The following CHRNE variants were observed in gnomAD, a reference collection of about 807,000 sequenced individuals.
CHRNE encodes cholinergic receptor nicotinic epsilon subunit, also known as acetylcholine receptor subunit epsilon.
Under a neutral mutation model 56.5 loss-of-function variants are expected in CHRNE, and 58 were observed. The observed-to-expected ratio is 1.03, with a 90% CI of 0.83 to 1.28. The LOEUF (loss-of-function observed/expected upper bound fraction) is 1.28, where lower values mean the gene tolerates loss of function less well. Among genes scored for constraint, CHRNE ranks in the 50% most tolerant of loss-of-function variants. CHRNE has a pLI of 0.00. For missense variants in CHRNE, 793 were observed against 688.9 expected, an observed-to-expected ratio of 1.15 and a Z score of -1.69; for synonymous variants, 385 against 297.9, an observed-to-expected ratio of 1.29 and a Z score of -3.01.
chr17:4,900,654 C>T, intron 8 of CHRNE, 139 bp downstream of exon 8: 1 of 1,443,892 alleles, frequency 6.9e-7, no homozygotes, highest in Non-Finnish European at 9.4e-7. Flanking sequence ...GGGACTCCAT[C>T]CCCGTACCAG....
upstream of CHRNE, among the ~76,000 whole-genome samples, chr17:4,905,462 G>A (rs571030427): frequency 7.9e-5 from 12 of 152,212 alleles, no homozygotes; most frequent in South Asian, 2.1e-4. Context: ...CTACTTAGGA[G>A]GCTGAGGCGG....
chr17:4,904,423 A>G (rs934792306), upstream of CHRNE, among the ~76,000 whole-genome samples: 7 of 152,124 alleles, frequency 4.6e-5, no homozygotes, highest in Non-Finnish European at 1.5e-5. Context: ...CTTATTTTAA[A>G]TTCAGATTCC....
intron 5 of CHRNE, 102 bp downstream of exon 5, chr17:4,901,830 A>T: frequency 1.3e-6 from 2 of 1,528,678 alleles, no homozygotes; most frequent in African/African-American, 1.4e-5. Context: ...CTCCGCCTCC[A>T]GCGCGAAGCC....
intron 6 of CHRNE, 110 bp from the exon 7 acceptor site, chr17:4,901,300 G>A: frequency 8.0e-7 from 1 of 1,250,808 alleles, no homozygotes; most frequent in Non-Finnish European, 1.1e-6. Context: ...TGGGCCGTCA[G>A]GATGGGGGCA....
At chr17:4,900,547 C>T (rs780373222) in intron 8 of CHRNE, 25 of 1,550,310 alleles carry the variant, frequency 1.6e-5, no homozygotes, top group Non-Finnish European at 2.2e-5. Flanking sequence ...CCAGAGGCGG[C>T]GGGGCTAGGG....
upstream of CHRNE, among the ~76,000 whole-genome samples, chr17:4,904,517 G>T (rs999446092): frequency 1.3e-5 from 2 of 152,130 alleles, no homozygotes; most frequent in Non-Finnish European, 2.9e-5. Context: ...GGTGTTCCTC[G>T]TGAGGTAGGA....
At position 4,902,615 on chromosome 17, in the gene CHRNE, G is replaced by C; in HGVS notation, c.189+6C>G. 1 of 1,614,136 alleles carries C rather than the reference G, an allele frequency of 6.2e-7. No homozygotes were observed. The highest frequency in any genetic ancestry group is 1.3e-5 in the African/African-American group (1 of 75,034). On this transcript the variant is annotated splice_donor_region_variant and intron_variant, in intron 2 of 11. Transcript: ENST00000649488. This position sits in a 1 kb window ranked among gnomAD's most constrained non-coding sequence, Gnocchi z 4.0. ...TTGGCTTAAGATGAGGGTGGGGGTA[G>C]CTTACCAGTGAGATGAGATTCGTCA... is the stretch of plus-strand genomic sequence containing the variant.
chr17:4,899,781 T>G (rs1048601616), intron 8 of CHRNE, 199 bp from the exon 9 acceptor site: 1 of 1,550,904 alleles, frequency 6.4e-7, no homozygotes, highest in African/African-American at 1.4e-5. Context: ...GACCCCCAGC[T>G]CCCTGGACAC....
At chr17:4,904,601 C>G (rs1052318580), upstream of CHRNE, among the ~76,000 whole-genome samples, 3 of 152,160 alleles carry the variant, frequency 2.0e-5, no homozygotes, top group Admixed American at 2.0e-4. Flanking sequence ...TGATCACTGT[C>G]CTGAATACAT....
Position 4,902,075 on chromosome 17 carries a change from C to T in CHRNE, c.357G>A (p.Gln119=), listed in dbSNP as rs747638974. Residue 119 remains glutamine, a synonymous_variant, in exon 5 of 12, where the codon CAG becomes CAA. Transcript: ENST00000649488. The surrounding 1 kb of genome is among the most constrained non-coding windows in gnomAD (Gnocchi z 4.0). ...CGTTGGCGTCGTAGGCCACTCCGAA[C>T]TGGCCATCAATACTGTGGGCTCGGG... ...EIVLENNIDG[Q]FGVAYDANVL... 8 of 1,614,074 alleles carry T rather than the reference C, an allele frequency of 5.0e-6. No homozygotes were observed. In the South Asian group the frequency reaches 8.8e-5, roughly 18 times the overall value.
Position 4,902,395 on chromosome 17 carries a change from G to A in CHRNE, c.234+55C>T, listed in dbSNP as rs1003920779. 1.2e-6 allele frequency: 2 copies of A among 1,613,868 alleles called. No homozygotes were observed. Among genetic ancestry groups the A allele is most frequent in the South Asian group, 2.2e-5 (2 of 91,074 alleles). Reference sequence around the variant, plus strand: ...CCTGGCGCTGCCTGGGAGGGGTTTGGGGGAAAAGGGGTGCCCTGGACAAGA... The same window carrying A: ...CCTGGCGCTGCCTGGGAGGGGTTTGAGGGAAAAGGGGTGCCCTGGACAAGA... On this transcript the variant is annotated intron_variant, in intron 3 of 11. Coordinates refer to ENST00000649488, the MANE Select transcript of CHRNE (RefSeq NM_000080.4). This position sits in a 1 kb window ranked among gnomAD's most constrained non-coding sequence, Gnocchi z 4.0.
Position 4,902,630 on chromosome 17 carries a change from G to A in CHRNE, c.180C>T (p.Leu60=), listed in dbSNP as rs1486738510. The A allele has an allele frequency of 1.9e-6, 3 of 1,613,966 alleles. No individual in the cohort carries two copies. Among genetic ancestry groups the A allele is most frequent in the Non-Finnish European group, 1.7e-6 (2 of 1,180,024 alleles). Residue 60 remains leucine, a synonymous_variant, in exon 2 of 12, where the codon CTC becomes CTT. Transcript: ENST00000649488. The surrounding 1 kb of genome is among the most constrained non-coding windows in gnomAD (Gnocchi z 4.0). Reference sequence around the variant, plus strand: ...GGTGGGGGTAGCTTACCAGTGAGATGAGATTCGTCAGGGTGACCTTGAGGC... The same window carrying A: ...GGTGGGGGTAGCTTACCAGTGAGATAAGATTCGTCAGGGTGACCTTGAGGC... ...TISLKVTLTN[L]ISLNEKEETL...
At chr17:4,900,031 G>C in intron 8 of CHRNE, 1 of 1,551,430 alleles carries the variant, frequency 6.4e-7, no homozygotes, top group Non-Finnish European at 8.7e-7. Context: ...TGAAGTCCCT[G>C]GAGCCACCCG....
chr17:4,901,824 G>C (rs1423673935), intron 5 of CHRNE, 108 bp downstream of exon 5: 29 of 1,510,712 alleles, frequency 1.9e-5, no homozygotes, highest in Non-Finnish European at 2.6e-5. Flanking sequence ...GCCTGGCTCC[G>C]CCTCCAGCGC....
Position 4,902,641 on chromosome 17 carries a change from G to C in CHRNE, c.169C>G (p.Leu57Val). The change falls in exon 2 of 12, where the codon CTG (leucine) becomes GTG (valine). Residue 57 changes from leucine to valine, a missense_variant. Transcript: ENST00000649488. The surrounding 1 kb of genome is among the most constrained non-coding windows in gnomAD (Gnocchi z 4.0). ...DTVTISLKVTLTNLISLNEKE... is the reference protein window; with the variant it reads ...DTVTISLKVTVTNLISLNEKE... ...CTTACCAGTGAGATGAGATTCGTCAGGGTGACCTTGAGGCTGATGGTGACA... is the reference window on the plus strand; with the variant it reads ...CTTACCAGTGAGATGAGATTCGTCACGGTGACCTTGAGGCTGATGGTGACA... 6.2e-7 allele frequency: 1 copy of C among 1,614,072 alleles called. No homozygotes were observed. The highest frequency in any genetic ancestry group is 8.5e-7 in the Non-Finnish European group (1 of 1,179,990).
chr17:4,903,715 ACTTGTTTCTC>A (rs1464199059), upstream of CHRNE, among the ~76,000 whole-genome samples: 1 of 151,916 alleles, frequency 6.6e-6, no homozygotes, highest in Non-Finnish European at 1.5e-5. Flanking sequence ...TGGGTGGGAG[ACTTGTTTCTC>A]CTTGTCTATC....
chr17:4,902,905 T>G lies in CHRNE; in HGVS notation c.46+113A>C. On this transcript the variant is annotated intron_variant, in intron 1 of 11. Transcript: ENST00000649488. The surrounding 1 kb of genome is among the most constrained non-coding windows in gnomAD (Gnocchi z 4.0). ...TCTCCTAAACCAATTATGCTGTGCC[T>G]GGGAACGAAATACTGTGTCTAAGTC... 1 of 1,584,776 alleles carries G rather than the reference T, an allele frequency of 6.3e-7. No individual in the cohort carries two copies. The highest frequency in any genetic ancestry group is 8.7e-7 in the Non-Finnish European group (1 of 1,154,124).
At chr17:4,899,676 G>C in intron 8 of CHRNE, 94 bp from the exon 9 acceptor site, 4 of 1,441,658 alleles carry the variant, frequency 2.8e-6, no homozygotes, top group Non-Finnish European at 3.8e-6. Context: ...CTCCTGGTAC[G>C]GGCTGGTTAC....
At chr17:4,900,073 G>A (rs1184370279) in intron 8 of CHRNE, 10 of 1,550,972 alleles carry the variant, frequency 6.4e-6, no homozygotes, top group Non-Finnish European at 7.0e-6. Flanking sequence ...TGCCTGCCCC[G>A]AAGCCCACCC....
Sources: allele counts gnomAD v4.1 joint callset (sites outside exome capture counted in the v4.1 genomes callset), GRCh38; gene constraint gnomAD v4.1.1; non-coding constraint Gnocchi (gnomAD v3.1); transcripts MANE v1.5; gene names NCBI Gene and HGNC (gene_info 2026-07-23, HGNC 2026-07-21).